Variants in SP140L observed in about 807,000 individuals in gnomAD.
SP140L encodes the protein SP140 like nuclear body protein.
In SP140L, 64 loss-of-function variants were observed where a neutral mutation model predicts 84.3. The observed-to-expected ratio is 0.76, with a 90% confidence interval of 0.62 to 0.94. The LOEUF (loss-of-function observed/expected upper bound fraction) is 0.94, where lower values mean the gene tolerates loss of function less well. Among genes scored for constraint, SP140L ranks in the 40% least tolerant of loss-of-function variants. SP140L has a pLI of 0.00. For synonymous variants in SP140L, 242 were observed against 236.9 expected, an observed-to-expected ratio of 1.02 and a Z score of -0.20; for missense variants, 628 against 692.5, an observed-to-expected ratio of 0.91 and a Z score of 1.05.
chr2:230,346,150 G>A (rs1391986848), intron 2 of SP140L, among the ~76,000 whole-genome samples: 1 of 152,122 alleles, frequency 6.6e-6, no homozygotes, highest in Non-Finnish European at 1.5e-5. Flanking sequence ...TTTACCAAGT[G>A]TAACACTCTT....
chr2:230,365,881 T>C (rs1023264684), intron 5 of SP140L, among the ~76,000 whole-genome samples: 1 of 152,168 alleles, frequency 6.6e-6, no homozygotes, highest in Non-Finnish European at 1.5e-5. Flanking sequence ...ATTTATTCAT[T>C]GGCCTATTGG....
intron 2 of SP140L, among the ~76,000 whole-genome samples, chr2:230,333,906 G>A (rs189894911): frequency 2.6e-4 from 39 of 151,940 alleles, no homozygotes; most frequent in East Asian, 1.4e-3. Context: ...GTTGTTTCTC[G>A]TTTATAGCAT....
At position 230,370,967 on chromosome 2, in the gene SP140L, G is replaced by T. The variant is rs2061047393; in HGVS notation, c.583G>T (p.Asp195Tyr). The T allele has an allele frequency of 1.2e-6, 2 of 1,613,674 alleles. No homozygotes were observed. Among genetic ancestry groups the T allele is most frequent in the Non-Finnish European group, 1.7e-6 (2 of 1,179,742 alleles). ...AAGTGACCAAGCATGTGGCAAAATGGGTAAGGCTGCCTGAGGGCTGTGGGA... is the reference window on the plus strand; with the variant it reads ...AAGTGACCAAGCATGTGGCAAAATGTGTAAGGCTGCCTGAGGGCTGTGGGA... ...KESDQACGKM[D>Y]TVDIANNSTL... Residue 195 changes from aspartate to tyrosine, a missense_variant and splice_region_variant, in exon 6 of 19, where the codon GAT becomes TAT. Coordinates refer to ENST00000415673, the MANE Select transcript of SP140L (RefSeq NM_138402.6).
intron 1 of SP140L, 61 bp downstream of exon 1, chr2:230,327,362 T>A: frequency 6.4e-7 from 1 of 1,563,004 alleles, no homozygotes; most frequent in African/African-American, 1.4e-5. Flanking sequence ...CTTTCATGCC[T>A]GTAGTTCAGT....
chr2:230,382,728 T>C (rs1210776440), intron 7 of SP140L, among the ~76,000 whole-genome samples: 2 of 152,206 alleles, frequency 1.3e-5, no homozygotes, highest in African/African-American at 2.4e-5. Context: ...ACAGAACACT[T>C]GCAATCCCCA....
intron 12 of SP140L, among the ~76,000 whole-genome samples, chr2:230,392,621 G>A (rs55964110): frequency 0.27 from 40,925 of 152,100 alleles, 5,856 homozygotes; most frequent in Non-Finnish European, 0.31. Flanking sequence ...TAACAGCTCT[G>A]TGGATTTAGG....
At chr2:230,346,177 T>C (rs777449840) in intron 2 of SP140L, among the ~76,000 whole-genome samples, 6 of 152,192 alleles carry the variant, frequency 3.9e-5, no homozygotes, top group Non-Finnish European at 8.8e-5. Flanking sequence ...CAGTTTTTTT[T>C]CTTTCAATAT....
At chr2:230,386,847 C>A (rs6713465) in intron 9 of SP140L, among the ~76,000 whole-genome samples, 41,554 of 152,066 alleles carry the variant, frequency 0.27, 6,129 homozygotes, top group Non-Finnish European at 0.32. Context: ...TCTGTATTAG[C>A]TGGACTGTTC....
At chr2:230,357,655 C>T in intron 2 of SP140L, 150 bp from the exon 3 acceptor site, 2 of 724,512 alleles carry the variant, frequency 2.8e-6, no homozygotes, top group African/African-American at 1.8e-5. Context: ...TTTGTTGCTT[C>T]AATTCCATTT....
At chr2:230,373,934 T>G (rs151245961) in intron 7 of SP140L, among the ~76,000 whole-genome samples, 1 of 152,162 alleles carries the variant, frequency 6.6e-6, no homozygotes, top group Non-Finnish European at 1.5e-5. Flanking sequence ...TTGGAAGAAG[T>G]TGATTACAAC....
At chr2:230,348,474 C>G (rs2060274096) in intron 2 of SP140L, among the ~76,000 whole-genome samples, 1 of 152,186 alleles carries the variant, frequency 6.6e-6, no homozygotes, top group African/African-American at 2.4e-5. Flanking sequence ...TCTCTAATGA[C>G]TAATGATACT....
chr2:230,403,019 G>T lies in SP140L; in HGVS notation c.*123G>T. The T allele has an allele frequency of 1.4e-6, 1 of 706,770 alleles. No individual in the cohort carries two copies. Among genetic ancestry groups the T allele is most frequent in the Non-Finnish European group, 2.3e-6 (1 of 426,958 alleles). The allele number at this position is 706,770 out of a possible 1,614,324, so 43.8% of individuals were successfully genotyped here. ...GCTTTTCTCTGAGCCTCCCTCATCT[G>T]CCCAAAAACAAATCCTCAAAAGAAA... On this transcript the variant is annotated 3_prime_UTR_variant, in exon 19 of 19. Transcript: ENST00000415673.
At chr2:230,396,592 T>C (rs944380655) in intron 13 of SP140L, among the ~76,000 whole-genome samples, 165 bp from the exon 14 acceptor site, 4 of 152,246 alleles carry the variant, frequency 2.6e-5, no homozygotes, top group African/African-American at 9.6e-5. Flanking sequence ...CATAGGAAAT[T>C]AAAGCACTGG....
At chr2:230,401,208 T>C (rs1252335530) in intron 16 of SP140L, 145 bp downstream of exon 16, 12 of 674,554 alleles carry the variant, frequency 1.8e-5, no homozygotes, top group East Asian at 1.1e-4. Flanking sequence ...CACACCTTGT[T>C]TGCACAAAAA....
At chr2:230,346,084 T>C (rs1419206048) in intron 2 of SP140L, among the ~76,000 whole-genome samples, 1 of 152,182 alleles carries the variant, frequency 6.6e-6, no homozygotes, top group Non-Finnish European at 1.5e-5. Context: ...ATGAACTCCT[T>C]CAACTTTTGT....
chr2:230,379,144 G>A (rs2061332593), intron 7 of SP140L, among the ~76,000 whole-genome samples: 1 of 151,846 alleles, frequency 6.6e-6, no homozygotes, highest in Admixed American at 6.6e-5. Context: ...TATGTCTCTT[G>A]TAACAGCACT....
At chr2:230,358,092 C>T in intron 3 of SP140L, 125 bp downstream of exon 3, 1 of 1,140,024 alleles carries the variant, frequency 8.8e-7, no homozygotes, top group East Asian at 2.4e-5. Context: ...GTCCTACTTC[C>T]AGCTGAGGAA....
At chr2:230,381,994 T>C (rs1328832659) in intron 7 of SP140L, among the ~76,000 whole-genome samples, 1 of 152,212 alleles carries the variant, frequency 6.6e-6, no homozygotes, top group Non-Finnish European at 1.5e-5. Flanking sequence ...TCCTCCTACA[T>C]GGCTCCTGGC....
chr2:230,338,809 C>T (rs1403062284), intron 2 of SP140L, among the ~76,000 whole-genome samples: 2 of 142,824 alleles, frequency 1.4e-5, no homozygotes, highest in South Asian at 2.2e-4. Context: ...TATTGATTTG[C>T]GTATATTAAA....
Sources: allele counts gnomAD v4.1 joint callset (sites outside exome capture counted in the v4.1 genomes callset), GRCh38; gene constraint gnomAD v4.1.1; transcripts MANE v1.5; gene names NCBI Gene and HGNC (gene_info 2026-07-23, HGNC 2026-07-21).